CNTN4: variants seen among roughly 807,000 people sequenced by gnomAD.
The protein encoded by CNTN4 is contactin-4.
CNTN4 carries 77 observed loss-of-function variants against 122.5 expected under a neutral mutation model. The observed-to-expected ratio is 0.63, with a 90% CI of 0.52 to 0.76. The LOEUF is 0.76. CNTN4 is among the 30% of genes least tolerant of loss of function. CNTN4 has a pLI of 0.00. For synonymous variants in CNTN4, 512 were observed against 447.0 expected, an observed-to-expected ratio of 1.15 and a Z score of -1.83; for missense variants, 1,256 against 1,259.1, an observed-to-expected ratio of 1.00 and a Z score of 0.04.
intron 3 of CNTN4, among the ~76,000 whole-genome samples, chr3:2,454,935 G>A (rs965094322): frequency 5.3e-5 from 8 of 152,218 alleles, no homozygotes; most frequent in Admixed American, 2.0e-4. Context: ...CATAATAAGC[G>A]TTTTGGAAGT....
chr3:2,701,267 A>G (rs779415919), intron 4 of CNTN4, among the ~76,000 whole-genome samples: 5 of 152,170 alleles, frequency 3.3e-5, no homozygotes, highest in Non-Finnish European at 5.9e-5. Flanking sequence ...TGCATCCAGT[A>G]TATTTTGAGT....
chr3:2,352,767 G>A (rs952049956), intron 3 of CNTN4, among the ~76,000 whole-genome samples: 1 of 152,242 alleles, frequency 6.6e-6, no homozygotes, highest in African/African-American at 2.4e-5. Context: ...GCTGAGGAGT[G>A]CAGGTGCACG....
At chr3:2,981,296 T>G (rs1335591024) in intron 13 of CNTN4, among the ~76,000 whole-genome samples, 3 of 151,440 alleles carry the variant, frequency 2.0e-5, no homozygotes, top group Non-Finnish European at 4.4e-5. Flanking sequence ...TACAAAAAAT[T>G]AGCCGGGCGT....
At chr3:2,909,274 G>T (rs967924604) in intron 12 of CNTN4, among the ~76,000 whole-genome samples, 2 of 152,114 alleles carry the variant, frequency 1.3e-5, no homozygotes, top group East Asian at 3.9e-4. Context: ...GCTCTCAAAA[G>T]CAAATTTGGT....
intron 3 of CNTN4, among the ~76,000 whole-genome samples, chr3:2,363,822 C>T (rs2045262248): frequency 6.6e-6 from 1 of 152,160 alleles, no homozygotes; most frequent in Admixed American, 6.5e-5. Flanking sequence ...TAGCAAGCTT[C>T]ATAAAGCATG....
At chr3:2,494,378 G>T (rs924101674) in intron 3 of CNTN4, among the ~76,000 whole-genome samples, 1 of 152,182 alleles carries the variant, frequency 6.6e-6, no homozygotes, top group Non-Finnish European at 1.5e-5. Context: ...GTAATGGGTA[G>T]ATTTAAAGAT....
At chr3:2,998,508 C>A (rs1422309142) in intron 14 of CNTN4, among the ~76,000 whole-genome samples, 1 of 152,068 alleles carries the variant, frequency 6.6e-6, no homozygotes, top group African/African-American at 2.4e-5. Context: ...GGAGCTCAAC[C>A]TTTAGGAGTA....
rs770563673 is a variant in CNTN4 at position 2,713,667 on chromosome 3, T to C, written c.56-22548T>C. Among the ~76,000 whole-genome samples, 18 of 152,330 alleles carry C rather than the reference T, an allele frequency of 1.2e-4. No homozygotes were observed. The South Asian group carries it at 3.5e-3, about 30-fold the overall frequency. On this transcript the variant is annotated intron_variant, in intron 4 of 24. Coordinates refer to ENST00000418658, the MANE Select transcript of CNTN4 (RefSeq NM_175607.3). ...GAAAGACCTTCCTGCTTCTGCTGTT[T>C]GCTGAAGTGACAATATGCCATATTT... is the stretch of plus-strand genomic sequence containing the variant.
chr3:3,018,548 T>C lies in CNTN4; in HGVS notation c.1487-7554T>C, dbSNP rs576120350. Among the ~76,000 whole-genome samples the C allele has an allele frequency of 2.5e-3, 380 of 152,106 alleles. 1 individual carries two copies. The highest frequency in any genetic ancestry group is 4.1e-3 in the Non-Finnish European group (276 of 67,988). The stretch of plus-strand genomic sequence containing the variant: ...CTATGGAGACATGGCTGTGGGTGGG[T>C]ATAGAGGTGGTGGGCAGAGGAGACA... On this transcript the variant is annotated intron_variant, in intron 14 of 24. Coordinates refer to ENST00000418658, the MANE Select transcript of CNTN4 (RefSeq NM_175607.3).
chr3:2,375,683 T>G (rs2150707740), intron 3 of CNTN4, among the ~76,000 whole-genome samples: 1 of 152,272 alleles, frequency 6.6e-6, no homozygotes, highest in South Asian at 2.1e-4. Flanking sequence ...ACTAAAATGA[T>G]TCTTCTTTTC....
chr3:2,216,327 C>G (rs1278803821), intron 2 of CNTN4, among the ~76,000 whole-genome samples: 1 of 152,046 alleles, frequency 6.6e-6, no homozygotes, highest in Admixed American at 6.5e-5. Flanking sequence ...TAAGTGGGAG[C>G]TAAATGATGA....
In CNTN4 at chr3:2,902,915, A is replaced by G. The variant is rs766590402; in HGVS notation, c.1117A>G (p.Ile373Val). 8.1e-6 allele frequency: 13 copies of G among 1,613,886 alleles called. No individual in the cohort carries two copies. The East Asian group carries it at 2.9e-4, about 36-fold the overall frequency. The change falls in exon 12 of 25, where the codon ATA (isoleucine) becomes GTA (valine). Residue 373 changes from isoleucine (I) to valine (V), a missense_variant. By Grantham distance (29) the Ile-to-Val change is conservative. Transcript: ENST00000418658. ...TGAGCAAGGAACACTCAACATAACA[A>G]TAGTGAACCTCTCAGATGCTGGCAT... ...QIEQGTLNIT[I>V]VNLSDAGMYQ...
chr3:3,027,666 C>T (rs938554551), intron 15 of CNTN4, among the ~76,000 whole-genome samples: 10 of 152,250 alleles, frequency 6.6e-5, no homozygotes, highest in South Asian at 6.2e-4. Flanking sequence ...AATGTTCTCA[C>T]ATTAAAACCA....
chr3:2,375,888 T>G (rs2045796851), intron 3 of CNTN4, among the ~76,000 whole-genome samples: 2 of 152,006 alleles, frequency 1.3e-5, no homozygotes, highest in East Asian at 3.9e-4. Context: ...ACTTGCCCCT[T>G]TTATACCAGC....
At chr3:2,960,913 G>A (rs946370659) in intron 13 of CNTN4, among the ~76,000 whole-genome samples, 1 of 152,032 alleles carries the variant, frequency 6.6e-6, no homozygotes, top group African/African-American at 2.4e-5. Flanking sequence ...TTTTCAAATC[G>A]TTTCGCTACC....
At chr3:2,979,902 C>G (rs1304184580) in intron 13 of CNTN4, among the ~76,000 whole-genome samples, 1 of 152,182 alleles carries the variant, frequency 6.6e-6, no homozygotes, top group Non-Finnish European at 1.5e-5. Context: ...TCCTGCTGAA[C>G]TGCTCAGAAA....
chr3:2,584,642 A>T (rs2080096319), intron 4 of CNTN4, among the ~76,000 whole-genome samples: 1 of 137,858 alleles, frequency 7.3e-6, no homozygotes, highest in African/African-American at 2.7e-5. Context: ...GGTTGCAGTG[A>T]GCTGAGATCG....
chr3:2,547,858 C>A (rs1646788405), intron 3 of CNTN4, among the ~76,000 whole-genome samples: 1 of 152,004 alleles, frequency 6.6e-6, no homozygotes, highest in Non-Finnish European at 1.5e-5. Flanking sequence ...TCCACAGATC[C>A]CCAGGAAATT....
intron 4 of CNTN4, among the ~76,000 whole-genome samples, chr3:2,694,591 A>G (rs1339817670): frequency 2.0e-5 from 3 of 152,150 alleles, no homozygotes; most frequent in Non-Finnish European, 4.4e-5. Context: ...TTAGCTGGGC[A>G]TGGTGGCAGA....
Sources: gnomAD v4.1 joint callset for allele counts (sites outside exome capture counted in the v4.1 genomes callset) on GRCh38, gnomAD v4.1.1 for gene constraint, MANE v1.5 for transcripts, NCBI Gene and HGNC (gene_info 2026-07-23, HGNC 2026-07-21) for gene names.